The following STK3 variants were observed in gnomAD, a reference collection of about 807,000 sequenced individuals.
STK3 encodes the protein serine/threonine-protein kinase 3.
STK3 carries 41 observed loss-of-function variants against 58.0 expected under a neutral mutation model. That is an observed-to-expected ratio of 0.71 (90% CI 0.55 to 0.92). STK3 has a LOEUF of 0.92. Among genes scored for constraint, STK3 ranks in the 40% least tolerant of loss-of-function variants. The probability of loss-of-function intolerance (pLI) is 0.00; values close to 1 mark genes in which losing one functional copy is unlikely to be tolerated. For missense variants in STK3, 479 were observed against 602.7 expected (o/e 0.79, Z 2.15); for synonymous variants, 170 against 191.0 (o/e 0.89, Z 0.91).
At chr8:98,730,715 C>CAAAAAAAAAA (rs36085293) in intron 4 of STK3, among the ~76,000 whole-genome samples, 1 of 66,382 alleles carries the variant, frequency 1.5e-5, no homozygotes, top group African/African-American at 6.0e-5. Context: ...GACTCCGTCT[C>CAAAAAAAAAA]AAAAAAAAAA....
At chr8:98,358,535 T>A in the STK3 span, among the ~76,000 whole-genome samples, 1 of 152,110 alleles carries the variant, frequency 6.6e-6, no homozygotes, top group African/African-American at 2.4e-5. Flanking sequence ...GGAATCTATT[T>A]CCAGGGATGG....
intron 1 of STK3, among the ~76,000 whole-genome samples, chr8:98,449,298 T>G (rs1819090883): frequency 6.6e-6 from 1 of 152,182 alleles, no homozygotes; most frequent in South Asian, 2.1e-4. Context: ...AGATTACACA[T>G]GGTTGATCAG....
chr8:98,421,366 CTGAGAGGGGCCCTGGAGGGAGGTGG>C (rs943728308), intron 3 of STK3, among the ~76,000 whole-genome samples: 1 of 152,192 alleles, frequency 6.6e-6, no homozygotes, highest in Non-Finnish European at 1.5e-5. Context: ...ACCCCTGAGG[CTGAGAGGGGCCCTGGAGGGAGGTGG>C]TTGCCCCTAC....
chr8:98,567,709 T>C (rs1317646986), intron 8 of STK3, among the ~76,000 whole-genome samples: 2 of 152,138 alleles, frequency 1.3e-5, no homozygotes, highest in Non-Finnish European at 2.9e-5. Flanking sequence ...CACTGAAATA[T>C]ACGGAGGGTT....
At chr8:98,509,921 T>C (rs1269704343) in intron 10 of STK3, among the ~76,000 whole-genome samples, 3 of 152,100 alleles carry the variant, frequency 2.0e-5, no homozygotes, top group Non-Finnish European at 2.9e-5. Context: ...TTGACATTTA[T>C]TCAAATCACT....
At chr8:98,414,033 G>A (rs1818087466) in intron 3 of STK3, among the ~76,000 whole-genome samples, 1 of 152,236 alleles carries the variant, frequency 6.6e-6, no homozygotes, top group South Asian at 2.1e-4. Context: ...GGAGGCCACA[G>A]TGGGTGGATC....
Position 98,657,714 on chromosome 8 carries a change from C to CA in STK3, c.684+48752dup, listed in dbSNP as rs377123993. On this transcript the variant is annotated intron_variant, in intron 6 of 10. Coordinates refer to ENST00000419617, the MANE Select transcript of STK3 (RefSeq NM_006281.4). ...TACTCAGGATTAAAATGCAAAAAAG[C>CA]AAAAAAAAGAGTATTAAGAGTATCT... Among the ~76,000 whole-genome samples the CA allele has an allele frequency of 8.6e-3, 1,294 of 150,086 alleles. 11 individuals carry two copies. Among genetic ancestry groups the CA allele is most frequent in the African/African-American group, 0.029 (1,204 of 40,986 alleles).
intron 6 of STK3, among the ~76,000 whole-genome samples, chr8:98,611,752 C>G (rs1264632253): frequency 6.6e-6 from 1 of 152,048 alleles, no homozygotes; most frequent in African/African-American, 2.4e-5. Context: ...TGAACTCAAC[C>G]CAAAGAATCT....
At chr8:98,697,501 A>G (rs1438642847) in intron 6 of STK3, among the ~76,000 whole-genome samples, 5 of 152,222 alleles carry the variant, frequency 3.3e-5, no homozygotes, top group African/African-American at 1.2e-4. Context: ...ATTTAATGCT[A>G]TAAATTTCAC....
chr8:98,405,001 C>T (rs565034166), intron 3 of STK3, among the ~76,000 whole-genome samples: 1 of 152,264 alleles, frequency 6.6e-6, no homozygotes, highest in African/African-American at 2.4e-5. Flanking sequence ...TACAGATAAC[C>T]TGTCTCATTG....
At chr8:98,838,988 TTG>T (rs35564732) in intron 3 of STK3, among the ~76,000 whole-genome samples, 18,273 of 144,714 alleles carry the variant, frequency 0.13, 1,420 homozygotes, top group African/African-American at 0.23. Flanking sequence ...TTTGTTTGTT[TTG>T]TGTGTGTGTG....
At chr8:98,518,946 T>A (rs186682999) in intron 10 of STK3, among the ~76,000 whole-genome samples, 29 of 152,226 alleles carry the variant, frequency 1.9e-4, no homozygotes, top group African/African-American at 6.5e-4. Context: ...ACTGGAACAT[T>A]TGGGATTTTG....
At chr8:98,808,329 CTCAG>C (rs1209139277) in intron 1 of STK3, among the ~76,000 whole-genome samples, 1 of 152,192 alleles carries the variant, frequency 6.6e-6, no homozygotes, top group African/African-American at 2.4e-5. Context: ...CATGAAACAG[CTCAG>C]TCAGTCATAA....
intron 1 of STK3, among the ~76,000 whole-genome samples, chr8:98,934,465 G>C (rs1472935859): frequency 6.6e-6 from 1 of 152,164 alleles, no homozygotes; most frequent in African/African-American, 2.4e-5. Context: ...CCACAACTAA[G>C]AGTGAACAAA....
At chr8:98,699,690 C>T (rs1041205950) in intron 6 of STK3, among the ~76,000 whole-genome samples, 4 of 152,104 alleles carry the variant, frequency 2.6e-5, no homozygotes, top group South Asian at 4.1e-4. Flanking sequence ...TTTCATGAAC[C>T]GCGAATGCTG....
chr8:98,715,974 T>C (rs796529783), intron 4 of STK3, among the ~76,000 whole-genome samples: 7 of 152,098 alleles, frequency 4.6e-5, no homozygotes, highest in African/African-American at 9.7e-5. Context: ...GAGTTCATGT[T>C]CTTTGTAGGG....
At chr8:98,489,586 CCT>C (rs1261630772) in intron 10 of STK3, among the ~76,000 whole-genome samples, 3 of 152,214 alleles carry the variant, frequency 2.0e-5, no homozygotes, top group Middle Eastern at 3.4e-3. Flanking sequence ...TTTTCTATTA[CCT>C]TTTTGCTTTC....
intron 1 of STK3, among the ~76,000 whole-genome samples, chr8:98,925,419 A>C (rs1373673737): frequency 6.6e-6 from 1 of 152,228 alleles, no homozygotes; most frequent in Non-Finnish European, 1.5e-5. Context: ...CTCTCCCAAG[A>C]TCATGGAGCA....
chr8:98,678,440 T>G (rs914573997), intron 6 of STK3, among the ~76,000 whole-genome samples: 6 of 152,096 alleles, frequency 3.9e-5, no homozygotes, highest in African/African-American at 1.4e-4. Context: ...ATTAAAACCA[T>G]GGACTTTTTT....
Sources: gnomAD v4.1 joint callset for allele counts (sites outside exome capture counted in the v4.1 genomes callset) on GRCh38, gnomAD v4.1.1 for gene constraint, MANE v1.5 for transcripts, NCBI Gene and HGNC (gene_info 2026-07-23, HGNC 2026-07-21) for gene names.